The following PCDH15 variants were observed in gnomAD, a reference collection of about 807,000 sequenced individuals.
PCDH15 encodes the protein protocadherin related 15, also known as protocadherin-15.
In PCDH15, 129 loss-of-function variants were observed where a neutral mutation model predicts 178.5. The ratio of observed to expected loss-of-function variants is 0.72; its 90% CI spans 0.63 to 0.84. The LOEUF is 0.84. Among genes scored for constraint, PCDH15 ranks in the 40% least tolerant of loss-of-function variants. The pLI, the probability that PCDH15 is intolerant of heterozygous loss-of-function variation, is 0.00. For missense variants in PCDH15, 2,230 were observed against 2,099.9 expected, an observed-to-expected ratio of 1.06 and a Z score of -1.21; for synonymous variants, 800 against 732.0, an observed-to-expected ratio of 1.09 and a Z score of -1.50.
At chr10:54,820,530 TA>T (rs1363280070) in intron 3 of PCDH15, among the ~76,000 whole-genome samples, 8 of 152,196 alleles carry the variant, frequency 5.3e-5, no homozygotes, top group Admixed American at 2.0e-4. Flanking sequence ...AGATAATAAA[TA>T]AATTTTAAAT....
At chr10:54,731,541 G>T (rs1275872064) in intron 1 of PCDH15, among the ~76,000 whole-genome samples, 22 of 68,340 alleles carry the variant, frequency 3.2e-4, no homozygotes, top group Non-Finnish European at 3.2e-4. Flanking sequence ...GAAAATGTGA[G>T]ATAGATATAT....
chr10:54,633,265 CTTCTGAATGCCTT>C (rs1479377860), intron 2 of PCDH15, among the ~76,000 whole-genome samples: 2 of 152,114 alleles, frequency 1.3e-5, no homozygotes, highest in Non-Finnish European at 1.5e-5. Context: ...TGGAGATTTT[CTTCTGAATGCCTT>C]GGGTTTTAAG....
intron 2 of PCDH15, among the ~76,000 whole-genome samples, chr10:55,078,922 G>C (rs574669214): frequency 2.0e-5 from 3 of 152,144 alleles, no homozygotes; most frequent in African/African-American, 7.2e-5. Context: ...ACGACCTCCA[G>C]CTCCATAATT....
intron 3 of PCDH15, among the ~76,000 whole-genome samples, chr10:54,505,459 G>T (rs1340631647): frequency 6.6e-6 from 1 of 152,080 alleles, no homozygotes; most frequent in Non-Finnish European, 1.5e-5. Flanking sequence ...CCCCCTTCAA[G>T]TTCTATCTGC....
At chr10:55,175,218 A>C (rs1441263075) in intron 1 of PCDH15, among the ~76,000 whole-genome samples, 1 of 152,176 alleles carries the variant, frequency 6.6e-6, no homozygotes, top group Non-Finnish European at 1.5e-5. Flanking sequence ...TAAGCCTCTC[A>C]GTTACTCCAA....
At chr10:54,460,255 T>C (rs911839582) in intron 3 of PCDH15, among the ~76,000 whole-genome samples, 1 of 152,164 alleles carries the variant, frequency 6.6e-6, no homozygotes, top group Non-Finnish European at 1.5e-5. Flanking sequence ...GCTATGTGCC[T>C]GACTCATCTA....
intron 3 of PCDH15, among the ~76,000 whole-genome samples, chr10:54,527,606 T>G (rs1170288112): frequency 2.0e-5 from 3 of 152,120 alleles, no homozygotes; most frequent in Admixed American, 2.0e-4. Context: ...ATATTTATAT[T>G]AATTGAATGA....
At chr10:54,254,241 T>C (rs774194770) in intron 8 of PCDH15, among the ~76,000 whole-genome samples, 1 of 152,082 alleles carries the variant, frequency 6.6e-6, no homozygotes, top group Non-Finnish European at 1.5e-5. Context: ...AAGCAATGAT[T>C]AGAATTTGTA....
At chr10:54,488,949 C>A (rs921938382) in intron 3 of PCDH15, among the ~76,000 whole-genome samples, 1 of 151,812 alleles carries the variant, frequency 6.6e-6, no homozygotes, top group East Asian at 1.9e-4. Flanking sequence ...ATATTAACAG[C>A]GCAAAATTAG....
chr10:54,847,918 G>A lies in PCDH15; in HGVS notation c.-29+49532C>T, dbSNP rs1953542540. On this transcript the variant is annotated intron_variant, in intron 3 of 5. Coordinates refer to the PCDH15 transcript ENST00000458638. Reference sequence around the variant, plus strand: ...GACTTGAATATACTGCAGTCTGATGGCCAAGCCCATATACTTTGTATGATA... The same window carrying A: ...GACTTGAATATACTGCAGTCTGATGACCAAGCCCATATACTTTGTATGATA... Among the ~76,000 whole-genome samples the A allele has an allele frequency of 2.0e-5, 3 of 152,228 alleles. No homozygotes were observed. In the South Asian group the frequency reaches 6.2e-4, roughly 32 times the overall value.
intron 3 of PCDH15, among the ~76,000 whole-genome samples, chr10:54,503,518 T>TA (rs61695959): frequency 0.26 from 38,377 of 147,280 alleles, 5,372 homozygotes; most frequent in Admixed American, 0.37. Flanking sequence ...ATAGAATATT[T>TA]AAAAAAAAAA....
chr10:53,990,101 G>A (rs1040893369), intron 21 of PCDH15, among the ~76,000 whole-genome samples: 11 of 152,044 alleles, frequency 7.2e-5, no homozygotes, highest in Non-Finnish European at 1.3e-4. Context: ...TGGTAACATC[G>A]TGACATTTTA....
chr10:54,048,708 G>T (rs2135590340), intron 18 of PCDH15, among the ~76,000 whole-genome samples: 1 of 151,890 alleles, frequency 6.6e-6, no homozygotes, highest in African/African-American at 2.4e-5. Context: ...TTAATTCTGG[G>T]GTCTCCATTC....
chr10:54,180,932 A>G (rs2047930195), intron 13 of PCDH15, among the ~76,000 whole-genome samples: 1 of 152,198 alleles, frequency 6.6e-6, no homozygotes, highest in Admixed American at 6.5e-5. Context: ...AGAGATACAT[A>G]AGGGAAATTA....
chr10:54,771,901 C>A (rs1949136274), intron 1 of PCDH15, among the ~76,000 whole-genome samples: 1 of 152,044 alleles, frequency 6.6e-6, no homozygotes, highest in South Asian at 2.1e-4. Context: ...TAAATTCAGG[C>A]AAACTCAGGC....
At chr10:54,365,667 C>G (rs1946683269) in intron 5 of PCDH15, among the ~76,000 whole-genome samples, 1 of 152,090 alleles carries the variant, frequency 6.6e-6, no homozygotes, top group Non-Finnish European at 1.5e-5. Flanking sequence ...GTCTCCAAAA[C>G]TTGCATAAGA....
intron 1 of PCDH15, among the ~76,000 whole-genome samples, chr10:54,740,482 T>G (rs546021796): frequency 1.3e-5 from 2 of 151,784 alleles, no homozygotes; most frequent in African/African-American, 4.8e-5. Flanking sequence ...TACTGAAAAC[T>G]GAAAATAGAA....
Position 54,092,053 on chromosome 10 carries a change from C to A in PCDH15, c.1918-1990G>T, listed in dbSNP as rs142647056. On this transcript the variant is annotated intron_variant, in intron 15 of 37. Transcript: ENST00000644397. ...CCCCAAATCTAGATCTCCTTTCCAT[C>A]TTGACGTACCTCAAAAAATAAAAGA... 2.6e-5 allele frequency among the ~76,000 whole-genome samples: 4 copies of A among 152,254 alleles called. No homozygotes were observed. The East Asian group carries it at 7.7e-4, about 29-fold the overall frequency.
intron 3 of PCDH15, among the ~76,000 whole-genome samples, chr10:54,388,305 G>A (rs1382084011): frequency 1.9e-4 from 29 of 152,126 alleles, no homozygotes; most frequent in Non-Finnish European, 2.5e-4. Context: ...TTGTCAAAGC[G>A]TTCAACTTCT....
Sources: gnomAD v4.1 joint callset for allele counts (sites outside exome capture counted in the v4.1 genomes callset) on GRCh38, gnomAD v4.1.1 for gene constraint, MANE v1.5 for transcripts, NCBI Gene and HGNC (gene_info 2026-07-23, HGNC 2026-07-21) for gene names.